The following ARHGEF7 variants were observed in gnomAD, a reference collection of about 807,000 sequenced individuals.
ARHGEF7 encodes the protein Rho guanine nucleotide exchange factor 7.
In ARHGEF7, 33 loss-of-function variants were observed where a neutral mutation model predicts 109.8. That is an observed-to-expected ratio of 0.30 (90% CI 0.23 to 0.40). ARHGEF7 has a LOEUF of 0.40. Among genes scored for constraint, ARHGEF7 ranks in the 10% least tolerant of loss-of-function variants. The pLI, the probability that ARHGEF7 is intolerant of heterozygous loss-of-function variation, is 1.00. For synonymous variants in ARHGEF7, 458 were observed against 424.6 expected, an observed-to-expected ratio of 1.08 and a Z score of -0.97; for missense variants, 938 against 1,098.5, an observed-to-expected ratio of 0.85 and a Z score of 2.07.
chr13:111,123,865 C>CCA (rs1555339505), intron 1 of ARHGEF7, among the ~76,000 whole-genome samples: 4 of 36,024 alleles, frequency 1.1e-4, no homozygotes, highest in Admixed American at 3.6e-4. Context: ...GGGCTGCGCC[C>CCA]CCCCCCCCCG....
At chr13:111,142,643 C>G (rs1276322888) in intron 1 of ARHGEF7, among the ~76,000 whole-genome samples, 2 of 152,304 alleles carry the variant, frequency 1.3e-5, no homozygotes, top group African/African-American at 2.4e-5. Context: ...TCTTCCTATC[C>G]TCTCACCTCT....
At chr13:111,275,973 C>T in intron 12 of ARHGEF7, 1 of 390,670 alleles carries the variant, frequency 2.6e-6, no homozygotes, top group Non-Finnish European at 4.9e-6. Context: ...GTCCTGTGCA[C>T]ACATCCGCAT....
At chr13:111,299,763 A>G (rs543904225) in intron 19 of ARHGEF7, among the ~76,000 whole-genome samples, 3 of 152,270 alleles carry the variant, frequency 2.0e-5, no homozygotes, top group African/African-American at 7.2e-5. Context: ...GGAACAAGCA[A>G]AAGGCGGGCC....
At chr13:111,238,255 G>A (rs543366186) in intron 6 of ARHGEF7, among the ~76,000 whole-genome samples, 2 of 152,188 alleles carry the variant, frequency 1.3e-5, no homozygotes, top group East Asian at 1.9e-4. Flanking sequence ...TTGTTGAATC[G>A]TCCATGCTGC....
rs184765075 is a variant in ARHGEF7 at position 111,235,982 on chromosome 13, G to A, written c.759+2689G>A. 1.2e-4 allele frequency among the ~76,000 whole-genome samples: 18 copies of A among 152,266 alleles called. No individual in the cohort carries two copies. The East Asian group carries it at 3.3e-3, about 28-fold the overall frequency. ...GAGTTGAGAGAAGAGTATTCCATGC[G>A]AAAGTACCAACATTTTGAAATTAAG... is the stretch of plus-strand genomic sequence containing the variant. On this transcript the variant is annotated intron_variant, in intron 6 of 21. Transcript: ENST00000646102.
At chr13:111,194,149 A>G (rs1189232650) in intron 2 of ARHGEF7, among the ~76,000 whole-genome samples, 1 of 152,192 alleles carries the variant, frequency 6.6e-6, no homozygotes, top group East Asian at 1.9e-4. Flanking sequence ...TTCCTTAGTT[A>G]GGTATGCCAC....
intron 17 of ARHGEF7, among the ~76,000 whole-genome samples, chr13:111,287,510 A>G (rs1684930027): frequency 6.6e-6 from 1 of 152,244 alleles, no homozygotes; most frequent in African/African-American, 2.4e-5. Flanking sequence ...CATAGAGCCT[A>G]TGTTTTAGTA....
At chr13:111,201,446 C>G (rs922466568) in intron 2 of ARHGEF7, among the ~76,000 whole-genome samples, 2 of 152,136 alleles carry the variant, frequency 1.3e-5, no homozygotes. Flanking sequence ...AGTCATTGTA[C>G]TTTGGGGCTT....
intron 8 of ARHGEF7, among the ~76,000 whole-genome samples, chr13:111,251,362 C>T (rs2089748672): frequency 6.6e-6 from 1 of 152,058 alleles, no homozygotes; most frequent in Non-Finnish European, 1.5e-5. Flanking sequence ...GACGGGCAGG[C>T]GAGATCAGGT....
At chr13:111,270,924 CA>C (rs2092088853) in intron 9 of ARHGEF7, among the ~76,000 whole-genome samples, 1 of 152,152 alleles carries the variant, frequency 6.6e-6, no homozygotes, top group Admixed American at 6.5e-5. Context: ...GGAAGAGGAG[CA>C]CTTCTGAGTA....
At position 111,181,469 on chromosome 13, in the gene ARHGEF7, C is replaced by T. The variant is rs186014849; in HGVS notation, c.253-23820C>T. On this transcript the variant is annotated intron_variant, in intron 2 of 21. Transcript: ENST00000646102. ...AGAGATGGGACAAAGTCATGAGATC[C>T]TTTGACTGGGGCATTTCTTGGATAG... 2.6e-5 allele frequency among the ~76,000 whole-genome samples: 4 copies of T among 152,254 alleles called. No homozygotes were observed. In the East Asian group the frequency reaches 7.7e-4, roughly 29 times the overall value.
chr13:111,174,695 C>G (rs541037172), intron 2 of ARHGEF7, among the ~76,000 whole-genome samples: 41 of 152,192 alleles, frequency 2.7e-4, no homozygotes, highest in Non-Finnish European at 5.0e-4. Flanking sequence ...GAAAACACAC[C>G]TTCTGGGTTT....
At chr13:111,278,585 C>T (rs2092618530) in intron 13 of ARHGEF7, among the ~76,000 whole-genome samples, 1 of 152,164 alleles carries the variant, frequency 6.6e-6, no homozygotes, top group South Asian at 2.1e-4. Flanking sequence ...ATTGGTGAAT[C>T]ACATATGTAG....
chr13:111,185,846 C>T (rs1013011696), intron 2 of ARHGEF7, among the ~76,000 whole-genome samples: 3 of 152,150 alleles, frequency 2.0e-5, no homozygotes, highest in Admixed American at 2.0e-4. Context: ...TGGGACACCA[C>T]TGTCTCTGGT....
rs1555341569 is a variant in ARHGEF7 at position 111,133,812 on chromosome 13, T to TATAAATAA, written c.165+18123_165+18124insAAATAAAT. ...ATATATATATATATATATATATATA[T>TATAAATAA]ATTTATTATACTTTAAGTTCTAGGT... On this transcript the variant is annotated intron_variant, in intron 1 of 21. Coordinates refer to ENST00000646102, the MANE Select transcript of ARHGEF7 (RefSeq NM_001354046.2). Among the ~76,000 whole-genome samples the TATAAATAA allele has an allele frequency of 6.7e-4, 42 of 62,546 alleles. 4 individuals carry two copies. The highest frequency in any genetic ancestry group is 2.8e-3 in the African/African-American group (35 of 12,428). 41.0% of individuals were successfully genotyped at this position (62,546 alleles called of 152,430 possible). A position where few individuals can be genotyped will look rare whatever the true frequency, so the allele number is the denominator to read the frequency against.
At position 111,303,087 on chromosome 13, in the gene ARHGEF7, C is replaced by T; in HGVS notation, c.2563C>T (p.Pro855Ser). 6.2e-7 allele frequency: 1 copy of T among 1,613,944 alleles called. No individual in the cohort carries two copies. Among genetic ancestry groups the T allele is most frequent in the Non-Finnish European group, 8.5e-7 (1 of 1,179,902 alleles). Residue 855 changes from proline (P) to serine (S), a missense_variant, in exon 22 of 22, where the codon CCT becomes TCT. Physicochemically the swap from Pro to Ser is moderately conservative, Grantham distance 74. Around this residue, in one of 4 missense-constraint regions of ARHGEF7, gnomAD observed 166 missense variants for 167.3 expected, o/e 0.99. Transcript: ENST00000646102. The stretch of plus-strand genomic sequence containing the variant: ...GAAAGTCCTGAAGAACATGAATGAT[C>T]CTGCCTGGGATGAGACCAATCTATA... ...VRKVLKNMND[P>S]AWDETNL
intron 8 of ARHGEF7, among the ~76,000 whole-genome samples, chr13:111,248,297 G>A (rs1314463208): frequency 6.6e-6 from 1 of 152,090 alleles, no homozygotes; most frequent in Non-Finnish European, 1.5e-5. Flanking sequence ...CACAATTTCA[G>A]ATAGTTGTTC....
chr13:111,228,329 G>A lies in ARHGEF7; in HGVS notation c.671-4876G>A, dbSNP rs778830968. 3.7e-4 allele frequency among the ~76,000 whole-genome samples: 56 copies of A among 152,108 alleles called. No individual in the cohort carries two copies. The highest frequency in any genetic ancestry group is 6.8e-4 in the Non-Finnish European group (46 of 68,012). On this transcript the variant is annotated intron_variant, in intron 5 of 21. Coordinates refer to ENST00000646102, the MANE Select transcript of ARHGEF7 (RefSeq NM_001354046.2). The surrounding 1 kb of genome is among the most constrained non-coding windows in gnomAD (Gnocchi z 4.6). ...ATACTATTTAAAAATTATTAATATC[G>A]TCAGGTGTGATAATGGTCTGAGGTT...
At chr13:111,147,690 CTTTTTTTTTTTT>C (rs11463808) in intron 1 of ARHGEF7, among the ~76,000 whole-genome samples, 1 of 82,348 alleles carries the variant, frequency 1.2e-5, no homozygotes, top group Non-Finnish European at 2.2e-5. Context: ...CAGAGGTCAC[CTTTTTTTTTTTT>C]TTTTTTTTTT....
Sources: gnomAD v4.1 joint callset for allele counts (sites outside exome capture counted in the v4.1 genomes callset) on GRCh38, gnomAD v4.1.1 for gene constraint, gnomAD v4.1.1 regional missense constraint, Gnocchi (gnomAD v3.1) non-coding constraint, MANE v1.5 for transcripts, NCBI Gene and HGNC (gene_info 2026-07-23, HGNC 2026-07-21) for gene names.